Variants in RABGAP1 observed in about 807,000 individuals in gnomAD.
RABGAP1 encodes the protein RAB GTPase activating protein 1.
RABGAP1 carries 23 observed loss-of-function variants against 137.6 expected under a neutral mutation model. The ratio of observed to expected loss-of-function variants is 0.17; its 90% CI spans 0.12 to 0.24. The LOEUF (loss-of-function observed/expected upper bound fraction) is 0.24, where lower values mean the gene tolerates loss of function less well. Ranked by LOEUF, RABGAP1 falls within the 10% of genes least tolerant of loss-of-function variation. RABGAP1 has a pLI of 1.00. For synonymous variants in RABGAP1, 451 were observed against 450.7 expected, an observed-to-expected ratio of 1.00 and a Z score of -0.01; for missense variants, 906 against 1,275.8, an observed-to-expected ratio of 0.71 and a Z score of 4.42.
At position 122,986,200 on chromosome 9, in the gene RABGAP1, C is replaced by G; in HGVS notation, c.386-15C>G. The stretch of plus-strand genomic sequence containing the variant: ...AAGTGAAAGTAATCACTTCCTTATT[C>G]ATTGTTTCTTTCAGATTCTGAAGCT... On this transcript the variant is annotated splice_polypyrimidine_tract_variant and intron_variant, in intron 3 of 25. Transcript: ENST00000373647. 2 of 1,606,206 alleles carry G rather than the reference C, an allele frequency of 1.2e-6. No homozygotes were observed. Among genetic ancestry groups the G allele is most frequent in the Non-Finnish European group, 1.7e-6 (2 of 1,173,740 alleles).
At chr9:123,029,332 T>G (rs1212893304) in intron 13 of RABGAP1, 4 of 733,298 alleles carry the variant, frequency 5.5e-6, no homozygotes, top group African/African-American at 1.8e-5. Flanking sequence ...TTTTTTTTAC[T>G]TAATAAAGTT....
At chr9:123,016,571 A>T (rs1286768420) in intron 12 of RABGAP1, among the ~76,000 whole-genome samples, 2 of 152,164 alleles carry the variant, frequency 1.3e-5, no homozygotes, top group Non-Finnish European at 2.9e-5. Context: ...ATTTAACATG[A>T]CCACAGATAT....
At chr9:123,035,088 TGGAGATGTGTTTCAGTGGTGTGC>T in intron 13 of RABGAP1, 1 of 1,614,018 alleles carries the variant, frequency 6.2e-7, no homozygotes, top group South Asian at 1.1e-5. Flanking sequence ...CTGGATATCA[TGGAGATGTGTTTCAGTGGTGTGC>T]GGAGTCCTGG....
intron 1 of RABGAP1, among the ~76,000 whole-genome samples, chr9:122,948,249 C>T (rs1300021810): frequency 6.6e-6 from 1 of 151,990 alleles, no homozygotes; most frequent in Non-Finnish European, 1.5e-5. Context: ...GTAAACTCAC[C>T]AGATTTGTGT....
rs2035442463 is a variant in RABGAP1, at chr9:123,104,451, T to C, written c.*1238T>C. 1 of 152,486 alleles carries C rather than the reference T, an allele frequency of 6.6e-6. No individual in the cohort carries two copies. Among genetic ancestry groups the C allele is most frequent in the Non-Finnish European group, 1.5e-5 (1 of 68,026 alleles). The allele number at this position is 152,486 out of a possible 1,614,324, so 9.4% of individuals were successfully genotyped here. A position where few individuals can be genotyped will look rare whatever the true frequency, so the allele number is the denominator to read the frequency against. On this transcript the variant is annotated 3_prime_UTR_variant, in exon 26 of 26. Coordinates refer to ENST00000373647, the MANE Select transcript of RABGAP1 (RefSeq NM_012197.4). ...AAAAAACTTTGACTTTTAATTTATA[T>C]AGTGATATGCTGACAGGCTGACACG...
At position 122,997,343 on chromosome 9, in the gene RABGAP1, A is replaced by C; in HGVS notation, c.1186A>C (p.Asn396His). The change falls in exon 9 of 26, where the codon AAT becomes CAT. Residue 396 changes from asparagine to histidine, a missense_variant. Physicochemically the swap from Asn to His is moderately conservative, Grantham distance 68. Coordinates refer to ENST00000373647, the MANE Select transcript of RABGAP1 (RefSeq NM_012197.4). Reference protein sequence around the residue: ...NPKSPHFQVVNEETPKDKVLF... With the variant: ...NPKSPHFQVVHEETPKDKVLF... The stretch of plus-strand genomic sequence containing the variant: ...AAAATCCCCACATTTTCAAGTTGTA[A>C]ATGAAGAAACTCCTAAAGGTGATAC... 6.2e-7 allele frequency: 1 copy of C among 1,607,130 alleles called. No individual in the cohort carries two copies. The highest frequency in any genetic ancestry group is 8.5e-7 in the Non-Finnish European group (1 of 1,174,904).
chr9:123,030,687 G>A (rs1328035818), intron 13 of RABGAP1, among the ~76,000 whole-genome samples: 1 of 152,090 alleles, frequency 6.6e-6, no homozygotes, highest in Non-Finnish European at 1.5e-5. Context: ...TCATTTCTCT[G>A]TGTTGGGAAC....
intron 13 of RABGAP1, chr9:123,035,758 A>G (rs915799119): frequency 2.4e-5 from 14 of 574,754 alleles, no homozygotes; most frequent in Non-Finnish European, 4.2e-5. Context: ...ATAGCATACA[A>G]ATTATTCGTA....
At chr9:123,048,073 G>A (rs538147884) in intron 13 of RABGAP1, among the ~76,000 whole-genome samples, 2 of 151,804 alleles carry the variant, frequency 1.3e-5, no homozygotes, top group East Asian at 3.9e-4. Flanking sequence ...CTGAGAAGCC[G>A]GGATTACAGG....
intron 17 of RABGAP1, among the ~76,000 whole-genome samples, chr9:123,074,947 C>G (rs998516365): frequency 6.6e-6 from 1 of 152,106 alleles, no homozygotes; most frequent in African/African-American, 2.4e-5. Context: ...CCACACCTAG[C>G]TGCAAGGGAG....
At chr9:123,050,112 A>G (rs552804002) in intron 13 of RABGAP1, among the ~76,000 whole-genome samples, 2 of 152,318 alleles carry the variant, frequency 1.3e-5, no homozygotes, top group African/African-American at 4.8e-5. Context: ...CAGTCTCCAC[A>G]CAATTATGAC....
At chr9:123,068,435 C>T (rs1481772269) in intron 14 of RABGAP1, among the ~76,000 whole-genome samples, 1 of 151,884 alleles carries the variant, frequency 6.6e-6, no homozygotes, top group Non-Finnish European at 1.5e-5. Context: ...TCTAAAGCCT[C>T]TGTTCTTTTG....
chr9:123,035,141 C>A (rs1484140097), intron 13 of RABGAP1: 1 of 1,613,886 alleles, frequency 6.2e-7, no homozygotes. Context: ...TCCTACTTCA[C>A]CCTGTTCATC....
At chr9:123,065,551 T>C (rs746558754) in intron 14 of RABGAP1, 90 bp downstream of exon 14, 2 of 975,806 alleles carry the variant, frequency 2.0e-6, no homozygotes, top group African/African-American at 1.6e-5. Context: ...GTGTAATTTG[T>C]ATTTGATGTT....
At chr9:122,945,739 C>T (rs1833911987) in intron 1 of RABGAP1, among the ~76,000 whole-genome samples, 1 of 152,156 alleles carries the variant, frequency 6.6e-6, no homozygotes, top group South Asian at 2.1e-4. Context: ...TTTCTCTGTA[C>T]CTAAATCTGG....
intron 1 of RABGAP1, among the ~76,000 whole-genome samples, chr9:122,954,882 A>G (rs900886047): frequency 6.6e-6 from 1 of 152,174 alleles, no homozygotes; most frequent in African/African-American, 2.4e-5. Context: ...CCATCTCTCT[A>G]AGACTTAATT....
intron 2 of RABGAP1, among the ~76,000 whole-genome samples, chr9:122,963,610 C>T (rs922006913): frequency 7.9e-5 from 12 of 152,112 alleles, no homozygotes; most frequent in Non-Finnish European, 1.8e-4. Context: ...TTATGGGATA[C>T]AGCTTAAACA....
chr9:123,024,862 A>G (rs2031864675), intron 13 of RABGAP1, among the ~76,000 whole-genome samples: 1 of 152,140 alleles, frequency 6.6e-6, no homozygotes, highest in Non-Finnish European at 1.5e-5. Context: ...AACACTCTCC[A>G]TATATTATGT....
intron 2 of RABGAP1, among the ~76,000 whole-genome samples, chr9:122,979,742 A>G (rs2131724226): frequency 6.6e-6 from 1 of 152,304 alleles, no homozygotes; most frequent in Non-Finnish European, 1.5e-5. Flanking sequence ...TAACCTTGAC[A>G]GTTTTGTTGA....
Sources: allele counts gnomAD v4.1 joint callset (sites outside exome capture counted in the v4.1 genomes callset), GRCh38; gene constraint gnomAD v4.1.1; transcripts MANE v1.5; gene names NCBI Gene and HGNC (gene_info 2026-07-23, HGNC 2026-07-21).